MAP2K7: variants seen among roughly 807,000 people sequenced by gnomAD.
MAP2K7 encodes the protein dual specificity mitogen-activated protein kinase kinase 7.
In MAP2K7, 12 loss-of-function variants were observed where a neutral mutation model predicts 47.7. The ratio of observed to expected loss-of-function variants is 0.25; its 90% CI spans 0.16 to 0.41. The LOEUF (loss-of-function observed/expected upper bound fraction) is 0.41. MAP2K7 is among the 10% of genes least tolerant of loss of function. The probability of loss-of-function intolerance (pLI) is 1.00; values close to 1 mark genes in which losing one functional copy is unlikely to be tolerated. For missense variants in MAP2K7, 415 were observed against 600.3 expected, an observed-to-expected ratio of 0.69 and a Z score of 3.23; for synonymous variants, 299 against 243.0, an observed-to-expected ratio of 1.23 and a Z score of -2.14.
chr19:7,909,524 CT>C (rs1305478700), intron 1 of MAP2K7, among the ~76,000 whole-genome samples: 6 of 152,340 alleles, frequency 3.9e-5, no homozygotes, highest in African/African-American at 1.4e-4. Context: ...TGCTAGCCTC[CT>C]CCATCTCTTT....
At position 7,905,073 on chromosome 19, in the gene MAP2K7, C is replaced by T. The variant is rs117458347; in HGVS notation, c.124+1005C>T. ...CATATCTAGTCTCCCGGCTTTTTCC[C>T]CAAGATCCTGGTCTCTAAATCCTCT... is the stretch of plus-strand genomic sequence containing the variant. On this transcript the variant is annotated intron_variant, in intron 1 of 10. Coordinates refer to ENST00000397979, the MANE Select transcript of MAP2K7 (RefSeq NM_145185.4). Among the ~76,000 whole-genome samples the T allele has an allele frequency of 4.4e-4, 67 of 151,924 alleles. 1 individual carries two copies. In the East Asian group the frequency reaches 0.013, roughly 29 times the overall value.
intron 1 of MAP2K7, among the ~76,000 whole-genome samples, chr19:7,907,336 G>C (rs1403726937): frequency 6.6e-6 from 1 of 152,166 alleles, no homozygotes; most frequent in South Asian, 2.1e-4. Context: ...AGGGCAAGGG[G>C]GACTCTGTCC....
At position 7,909,721 on chromosome 19, in the gene MAP2K7, C is replaced by A. The variant is rs760462841; in HGVS notation, c.125-34C>A. On this transcript the variant is annotated intron_variant, in intron 1 of 10. Transcript: ENST00000397979. ...GGAGCTGACACCAGCTGGGCGCTGA[C>A]CCCCCTCCCTGCCACTGGTTCTCAC... is the stretch of plus-strand genomic sequence containing the variant. The A allele has an allele frequency of 1.4e-5, 19 of 1,406,174 alleles. No homozygotes were observed. The South Asian group carries it at 1.7e-4, about 12-fold the overall frequency. 87.1% of individuals were successfully genotyped at this position (1,406,174 alleles called of 1,614,324 possible).
At position 7,909,795 on chromosome 19, in the gene MAP2K7, G is replaced by A. The variant is rs550000291; in HGVS notation, c.165G>A (p.Ser55=). The A allele has an allele frequency of 1.5e-4, 239 of 1,542,550 alleles. No homozygotes were observed. The highest frequency in any genetic ancestry group is 1.9e-4 in the Non-Finnish European group (222 of 1,146,100). Residue 55 remains serine (S), a synonymous_variant, in exon 2 of 11, where the codon TCG becomes TCA. Transcript: ENST00000397979. ...LPLANDGGSR[S]PSSESSPQHP... ...TGGCCAACGATGGGGGCAGCCGCTC[G>A]CCATCCTCAGAGAGCTCCCCGCAGC...
At position 7,905,714 on chromosome 19, in the gene MAP2K7, C is replaced by T. The variant is rs1456073194; in HGVS notation, c.124+1646C>T. 40 of 1,142,392 alleles carry T rather than the reference C, an allele frequency of 3.5e-5. No homozygotes were observed. The East Asian group carries it at 9.0e-4, about 26-fold the overall frequency. The allele number at this position is 1,142,392 out of a possible 1,614,324, so 70.8% of individuals were successfully genotyped here. A position where few individuals can be genotyped will look rare whatever the true frequency, so the allele number is the denominator to read the frequency against. On this transcript the variant is annotated intron_variant, in intron 1 of 10. Transcript: ENST00000397979. ...CAGTTCGGTGCCTCCCCCTCCTCCT[C>T]GTTTATGATTTGATTTCTTTTCTTT...
At position 7,914,070 on chromosome 19, in the gene MAP2K7, A is replaced by C. The variant is rs1983130693; in HGVS notation, c.*1639A>C. 6.6e-6 allele frequency: 1 copy of C among 152,230 alleles called. No individual in the cohort carries two copies. Among genetic ancestry groups the C allele is most frequent in the Non-Finnish European group, 1.5e-5 (1 of 68,048 alleles). The allele number at this position is 152,230 out of a possible 1,614,324, so 9.4% of individuals were successfully genotyped here. Reference sequence around the variant, plus strand: ...CAGGCCTGGCCCTTTCCTCCCCTGCATCCAGCCATGGGGGCCTCTGCGATT... The same window carrying C: ...CAGGCCTGGCCCTTTCCTCCCCTGCCTCCAGCCATGGGGGCCTCTGCGATT... On this transcript the variant is annotated 3_prime_UTR_variant, in exon 11 of 11. Coordinates refer to ENST00000397979, the MANE Select transcript of MAP2K7 (RefSeq NM_145185.4).
At chr19:7,906,142 G>C (rs529777682) in intron 1 of MAP2K7, 15 of 423,306 alleles carry the variant, frequency 3.5e-5, no homozygotes, top group Admixed American at 1.9e-4. Flanking sequence ...CTCCGGGGGT[G>C]GGGGGGGTGC....
chr19:7,912,559 A>C lies in MAP2K7; in HGVS notation c.*128A>C, dbSNP rs912589413. 1.5e-4 allele frequency: 177 copies of C among 1,163,498 alleles called. No homozygotes were observed. In the African/African-American group the frequency reaches 2.7e-3, roughly 18 times the overall value. 72.1% of individuals were successfully genotyped at this position (1,163,498 alleles called of 1,614,324 possible). ...GACGGCCACCTAGGACTGAGGACAG[A>C]GAGTGGGGGGTGCCCACCCACCCCC... On this transcript the variant is annotated 3_prime_UTR_variant, in exon 11 of 11. Transcript: ENST00000397979.
In MAP2K7 at chr19:7,910,728, C is replaced by T. The variant is rs1378978321; in HGVS notation, c.600C>T (p.Gly200=). 11 of 1,611,554 alleles carry T rather than the reference C, an allele frequency of 6.8e-6. No homozygotes were observed. In the Admixed American group the frequency reaches 1.7e-4, roughly 24 times the overall value. ...TDVFIAMELM[G]TCAEKLKKRM... ...TCTTCATCGCCATGGAGCTCATGGG[C>T]ACCTGCGCTGAGAAGCTCAAGAAGC... The change falls in exon 6 of 11, where the codon GGC becomes GGT. Residue 200 remains glycine (G), a synonymous_variant. Coordinates refer to ENST00000397979, the MANE Select transcript of MAP2K7 (RefSeq NM_145185.4).
chr19:7,911,294 C>T lies in MAP2K7; in HGVS notation c.900C>T (p.Asp300=). 6.2e-7 allele frequency: 1 copy of T among 1,613,378 alleles called. No homozygotes were observed. Among genetic ancestry groups the T allele is most frequent in the Non-Finnish European group, 8.5e-7 (1 of 1,179,992 alleles). The stretch of plus-strand genomic sequence containing the variant: ...CAGACCCCACCAAGCCGGACTATGA[C>T]ATCCGGGCCGACGTATGGAGCCTGG... ...DPPDPTKPDY[D]IRADVWSLGI... Residue 300 remains aspartate (D), a synonymous_variant, in exon 8 of 11, where the codon GAC becomes GAT. Coordinates refer to ENST00000397979, the MANE Select transcript of MAP2K7 (RefSeq NM_145185.4).
intron 1 of MAP2K7, among the ~76,000 whole-genome samples, 186 bp downstream of exon 1, chr19:7,904,254 C>T (rs938466129): frequency 1.3e-5 from 2 of 152,020 alleles, no homozygotes; most frequent in Non-Finnish European, 2.9e-5. Context: ...CGGCGAGCTC[C>T]GGGGGGTTCG....
At chr19:7,904,823 T>C (rs2145127650) in intron 1 of MAP2K7, among the ~76,000 whole-genome samples, 2 of 152,216 alleles carry the variant, frequency 1.3e-5, no homozygotes, top group African/African-American at 4.8e-5. Flanking sequence ...CCGGTGACTT[T>C]GTCACCTGTG....
At chr19:7,909,513 C>T (rs577935460) in intron 1 of MAP2K7, among the ~76,000 whole-genome samples, 12 of 152,350 alleles carry the variant, frequency 7.9e-5, no homozygotes, top group Admixed American at 7.8e-4. Flanking sequence ...TCCCTCTCCC[C>T]TGCTAGCCTC....
Position 7,912,579 on chromosome 19 carries a change from A to T in MAP2K7, c.*148A>T, listed in dbSNP as rs866659713. ...GACAGAGAGTGGGGGGTGCCCACCC[A>T]CCCCCCCCGCCCCGGGCCTACCAAG... On this transcript the variant is annotated 3_prime_UTR_variant, in exon 11 of 11. Transcript: ENST00000397979. 1.3e-6 allele frequency: 1 copy of T among 752,160 alleles called. No individual in the cohort carries two copies. Among genetic ancestry groups the T allele is most frequent in the African/African-American group, 3.4e-5 (1 of 29,686 alleles). The allele number at this position is 752,160 out of a possible 1,614,324, so 46.6% of individuals were successfully genotyped here.
intron 1 of MAP2K7, among the ~76,000 whole-genome samples, chr19:7,908,176 A>AAG (rs1982584264): frequency 6.6e-6 from 1 of 151,934 alleles, no homozygotes; most frequent in Non-Finnish European, 1.5e-5. Context: ...AAAAAAAAAA[A>AAG]AAACAGTGGG....
chr19:7,907,520 C>T (rs1230535046), intron 1 of MAP2K7, among the ~76,000 whole-genome samples: 1 of 152,248 alleles, frequency 6.6e-6, no homozygotes, highest in African/African-American at 2.4e-5. Flanking sequence ...TTCTCATCCT[C>T]ACCCTCTTGC....
chr19:7,910,121 G>C lies in MAP2K7; in HGVS notation c.325G>C (p.Gly109Arg), dbSNP rs760936521. The change falls in exon 3 of 11, where the codon GGG becomes CGG. Residue 109 changes from glycine (G) to arginine (R), a missense_variant. Coordinates refer to ENST00000397979, the MANE Select transcript of MAP2K7 (RefSeq NM_145185.4). ...IMKQTGYLTIGGQRYQAEIND... is the reference protein window; with the variant it reads ...IMKQTGYLTIRGQRYQAEIND... ...GAAGCAGACGGGCTACCTGACCATC[G>C]GGGGCCAGGTACCACCTTCACTGTG... 2.6e-5 allele frequency: 42 copies of C among 1,606,076 alleles called. No individual in the cohort carries two copies. Among genetic ancestry groups the C allele is most frequent in the Non-Finnish European group, 3.6e-5 (42 of 1,177,002 alleles).
intron 1 of MAP2K7, chr19:7,907,142 CAA>C (rs1316387109): frequency 2.3e-5 from 3 of 132,944 alleles, no homozygotes; most frequent in Non-Finnish European, 3.2e-5. Flanking sequence ...GACTCCGTCT[CAA>C]AAAAAAAAAA....
Position 7,911,236 on chromosome 19 carries a change from T to TC in MAP2K7, c.856-6dup, listed in dbSNP as rs548806971. ...CCAGCCTTGGAGATACGTCTTCTCC[T>TC]CCCCCCCCTGCAGCCCGAGCGCATT... On this transcript the variant is annotated splice_polypyrimidine_tract_variant and intron_variant, in intron 7 of 10. Coordinates refer to ENST00000397979, the MANE Select transcript of MAP2K7 (RefSeq NM_145185.4). 5,343 of 1,577,216 alleles carry TC rather than the reference T, an allele frequency of 3.4e-3. 24 individuals carry two copies. The highest frequency in any genetic ancestry group is 0.015 in the South Asian group (1,322 of 89,916).
Sources: gnomAD v4.1 joint callset for allele counts (sites outside exome capture counted in the v4.1 genomes callset) on GRCh38, gnomAD v4.1.1 for gene constraint, MANE v1.5 for transcripts, NCBI Gene and HGNC (gene_info 2026-07-23, HGNC 2026-07-21) for gene names.